The following ZNF823 variants were observed in gnomAD, a reference collection of about 807,000 sequenced individuals.
The protein encoded by ZNF823 is ZFP 36 for a zinc finger protein.
A neutral mutation model predicts 11.4 loss-of-function variants in ZNF823; 5 were observed. That is an observed-to-expected ratio of 0.44 (90% CI 0.23 to 0.92). The LOEUF (loss-of-function observed/expected upper bound fraction) is 0.92, where lower values mean the gene tolerates loss of function less well. Ranked by LOEUF, ZNF823 falls within the 40% of genes least tolerant of loss-of-function variation. The probability of loss-of-function intolerance (pLI) is 0.24; values close to 1 mark genes in which losing one functional copy is unlikely to be tolerated. For missense variants in ZNF823, 582 were observed against 738.5 expected (o/e 0.79, Z 2.46); for synonymous variants, 234 against 250.5 (o/e 0.93, Z 0.62).
chr19:11,729,581 T>C (rs531947812), intron 1 of ZNF823, among the ~76,000 whole-genome samples: 2 of 152,314 alleles, frequency 1.3e-5, no homozygotes, highest in South Asian at 2.1e-4. Flanking sequence ...AAATAATACA[T>C]AGTTTCTGTT....
Position 11,721,674 on chromosome 19 carries a change from C to T in ZNF823, c.*27G>A, listed in dbSNP as rs934516489. 6.4e-7 allele frequency: 1 copy of T among 1,559,750 alleles called. No individual in the cohort carries two copies. The highest frequency in any genetic ancestry group is 1.2e-5 in the South Asian group (1 of 82,484). On this transcript the variant is annotated 3_prime_UTR_variant, in exon 4 of 4. Transcript: ENST00000341191. Reference sequence around the variant, plus strand: ...CTTTCAAGTTTCTGAAATTAAAGTACTGAATGTTTTCCCACATTCCATACA... The same window carrying T: ...CTTTCAAGTTTCTGAAATTAAAGTATTGAATGTTTTCCCACATTCCATACA...
At position 11,721,560 on chromosome 19, in the gene ZNF823, A is replaced by T. The variant is rs1281829149; in HGVS notation, c.*141T>A. 1.2e-6 allele frequency: 1 copy of T among 809,134 alleles called. No individual in the cohort carries two copies. The highest frequency in any genetic ancestry group is 1.9e-6 in the Non-Finnish European group (1 of 524,936). 50.1% of individuals were successfully genotyped at this position (809,134 alleles called of 1,614,324 possible). On this transcript the variant is annotated 3_prime_UTR_variant, in exon 4 of 4. Coordinates refer to ENST00000341191, the MANE Select transcript of ZNF823 (RefSeq NM_001080493.4). ...TGCTGGAACCAATCCCCTGCAATATATTGGGGGATAACTGTATTTAAAAAA... is the reference window on the plus strand; with the variant it reads ...TGCTGGAACCAATCCCCTGCAATATTTTGGGGGATAACTGTATTTAAAAAA...
chr19:11,724,352 C>T (rs1392920657), intron 2 of ZNF823, 98 bp from the exon 3 acceptor site: 2 of 1,075,732 alleles, frequency 1.9e-6, no homozygotes, highest in South Asian at 3.3e-5. Flanking sequence ...GATTCATTCA[C>T]CAAAGTACAT....
chr19:11,728,617 A>G (rs940744247), intron 1 of ZNF823, among the ~76,000 whole-genome samples: 2 of 152,212 alleles, frequency 1.3e-5, no homozygotes, highest in African/African-American at 4.8e-5. Context: ...TAAATGGTAT[A>G]CTACAAACTA....
At chr19:11,727,280 G>C (rs897699768) in intron 1 of ZNF823, among the ~76,000 whole-genome samples, 2 of 152,034 alleles carry the variant, frequency 1.3e-5, no homozygotes, top group African/African-American at 2.4e-5. Context: ...GGAGGCCTAG[G>C]GGGGCGGATC....
rs779226697 is a variant in ZNF823 at position 11,723,202 on chromosome 19, G to A, written c.332C>T (p.Ser111Leu). Residue 111 changes from serine to leucine, a missense_variant, in exon 4 of 4, where the codon TCG becomes TTG. Ser to Leu is a moderately radical substitution (Grantham distance 145). This residue lies in a region of ZNF823 where 429 missense variants were observed against 553.7 expected (regional missense o/e 0.77). Transcript: ENST00000341191. ...AACTCTGATGTTGCAATTAAGAGAC[G>A]AATGACCCAAGACGACTTCTCCACA... The part of the protein sequence containing the change: ...GECGEVVLGH[S>L]SLNCNIRVDT... 1.6e-5 allele frequency: 26 copies of A among 1,614,144 alleles called. No homozygotes were observed. Among genetic ancestry groups the A allele is most frequent in the Admixed American group, 5.0e-5 (3 of 60,012 alleles).
chr19:11,727,535 T>C (rs950105821), intron 1 of ZNF823, among the ~76,000 whole-genome samples: 2 of 151,214 alleles, frequency 1.3e-5, no homozygotes, highest in South Asian at 2.1e-4. Flanking sequence ...CAAAAAACAA[T>C]AACAACAAAA....
intron 1 of ZNF823, among the ~76,000 whole-genome samples, chr19:11,733,822 CAG>C (rs1334878716): frequency 2.6e-5 from 4 of 152,206 alleles, no homozygotes; most frequent in South Asian, 2.1e-4. Flanking sequence ...TCAGCCCCAA[CAG>C]ACTTTCAAAT....
At chr19:11,738,011 T>C (rs183305629) in intron 1 of ZNF823, among the ~76,000 whole-genome samples, 1 of 152,270 alleles carries the variant, frequency 6.6e-6, no homozygotes, top group African/African-American at 2.4e-5. Flanking sequence ...TGACCCTCCG[T>C]TGTCACCGTG....
At position 11,738,910 on chromosome 19, in the gene ZNF823, C is replaced by G. The variant is rs1367939566; in HGVS notation, c.-91G>C. 3 of 1,497,460 alleles carry G rather than the reference C, an allele frequency of 2.0e-6. No homozygotes were observed. Among genetic ancestry groups the G allele is most frequent in the African/African-American group, 1.4e-5 (1 of 70,546 alleles). 92.8% of individuals were successfully genotyped at this position (1,497,460 alleles called of 1,614,324 possible). A position where few individuals can be genotyped will look rare whatever the true frequency, so the allele number is the denominator to read the frequency against. ...CTGATACAGACCTTCCAGGGCGTCTCTCTCTCAGCGCCAGAGCCAGGACTC... is the reference window on the plus strand; with the variant it reads ...CTGATACAGACCTTCCAGGGCGTCTGTCTCTCAGCGCCAGAGCCAGGACTC... On this transcript the variant is annotated 5_prime_UTR_variant, in exon 1 of 4. Transcript: ENST00000341191.
intron 3 of ZNF823, among the ~76,000 whole-genome samples, 193 bp from the exon 4 acceptor site, chr19:11,723,535 ATTCTTTCT>A (rs536875102): frequency 6.6e-6 from 1 of 151,840 alleles, no homozygotes; most frequent in Non-Finnish European, 1.5e-5. Context: ...TCACATGGAG[ATTCTTTCT>A]TTCTTTCTTT....
Position 11,738,891 on chromosome 19 carries a change from C to T in ZNF823, c.-72G>A. 1 of 1,557,418 alleles carries T rather than the reference C, an allele frequency of 6.4e-7. No homozygotes were observed. The highest frequency in any genetic ancestry group is 2.0e-5 in the Admixed American group (1 of 50,998). On this transcript the variant is annotated 5_prime_UTR_variant, in exon 1 of 4. Transcript: ENST00000341191. ...GGTCCCAGCGCGACAGACGCTGATA[C>T]AGACCTTCCAGGGCGTCTCTCTCTC...
At chr19:11,726,619 GA>G (rs1443586819) in intron 1 of ZNF823, among the ~76,000 whole-genome samples, 1 of 152,064 alleles carries the variant, frequency 6.6e-6, no homozygotes, top group Non-Finnish European at 1.5e-5. Context: ...CTGGCCATGC[GA>G]TACCCTGTGC....
intron 1 of ZNF823, among the ~76,000 whole-genome samples, chr19:11,737,328 A>T (rs1975009357): frequency 1.3e-5 from 2 of 151,638 alleles, no homozygotes; most frequent in South Asian, 4.2e-4. Context: ...CAATGGCGTG[A>T]TCTTGGCTCA....
chr19:11,728,483 G>A (rs955337883), intron 1 of ZNF823, among the ~76,000 whole-genome samples: 5 of 152,124 alleles, frequency 3.3e-5, no homozygotes, highest in African/African-American at 1.2e-4. Flanking sequence ...AACAGCTTCC[G>A]ATAGGGCAAA....
intron 1 of ZNF823, among the ~76,000 whole-genome samples, chr19:11,731,205 G>A (rs542601118): frequency 1.3e-5 from 2 of 151,874 alleles, no homozygotes; most frequent in African/African-American, 2.4e-5. Flanking sequence ...GCAGCTTCTC[G>A]GGAGGCTGAG....
At chr19:11,729,731 T>C (rs1426128374) in intron 1 of ZNF823, among the ~76,000 whole-genome samples, 1 of 152,098 alleles carries the variant, frequency 6.6e-6, no homozygotes, top group Non-Finnish European at 1.5e-5. Flanking sequence ...GAAAAACTGG[T>C]CAGACAATGG....
At position 11,723,224 on chromosome 19, in the gene ZNF823, C is replaced by T; in HGVS notation, c.310G>A (p.Gly104Arg). 6.2e-7 allele frequency: 1 copy of T among 1,614,126 alleles called. No homozygotes were observed. Residue 104 changes from glycine (G) to arginine (R), a missense_variant, in exon 4 of 4, where the codon GGA (glycine) becomes AGA (arginine). By Grantham distance (125) the Gly-to-Arg change is moderately radical. This residue lies in a region of ZNF823 where 429 missense variants were observed against 553.7 expected (regional missense o/e 0.77). Transcript: ENST00000341191. ...GACGAATGACCCAAGACGACTTCTC[C>T]ACACTCACCACTGTCACATGGATTT... Reference protein sequence around the residue: ...RVNPCDSGECGEVVLGHSSLN... With the variant: ...RVNPCDSGECREVVLGHSSLN...
rs953670435 is a variant in ZNF823, at chr19:11,721,572, C to G, written c.*129G>C. On this transcript the variant is annotated 3_prime_UTR_variant, in exon 4 of 4. Transcript: ENST00000341191. ...TCCCCTGCAATATATTGGGGGATAACTGTATTTAAAAAAATTGAAACTACT... is the reference window on the plus strand; with the variant it reads ...TCCCCTGCAATATATTGGGGGATAAGTGTATTTAAAAAAATTGAAACTACT... 8 of 906,684 alleles carry G rather than the reference C, an allele frequency of 8.8e-6. No homozygotes were observed. The highest frequency in any genetic ancestry group is 1.9e-5 in the South Asian group (1 of 53,850). The allele number at this position is 906,684 out of a possible 1,614,324, so 56.2% of individuals were successfully genotyped here. A position where few individuals can be genotyped will look rare whatever the true frequency, so the allele number is the denominator to read the frequency against.
Sources: gnomAD v4.1 joint callset for allele counts (sites outside exome capture counted in the v4.1 genomes callset) on GRCh38, gnomAD v4.1.1 for gene constraint, gnomAD v4.1.1 regional missense constraint, MANE v1.5 for transcripts, NCBI Gene and HGNC (gene_info 2026-07-23, HGNC 2026-07-21) for gene names.